LRCH4: variants seen among roughly 807,000 people sequenced by gnomAD.
The protein encoded by LRCH4 is leucine rich repeats and calponin homology domain containing 4.
Under a neutral mutation model 81.2 loss-of-function variants are expected in LRCH4, and 56 were observed. That is an observed-to-expected ratio of 0.69 (90% CI 0.56 to 0.86). The LOEUF (loss-of-function observed/expected upper bound fraction) is 0.86. Ranked by LOEUF, LRCH4 falls within the 40% of genes least tolerant of loss-of-function variation. The pLI, the probability that LRCH4 is intolerant of heterozygous loss-of-function variation, is 0.00. For synonymous variants in LRCH4, 442 were observed against 409.7 expected (o/e 1.08, Z -0.95); for missense variants, 895 against 922.8 (o/e 0.97, Z 0.39).
Position 100,575,597 on chromosome 7 carries a change from T to C in LRCH4, c.1854+108A>G, listed in dbSNP as rs1437906269. ...TGCTGGGCAGGGCAGGGGCAGCCTG[T>C]GCCTTCATCTGAGAGCAGACATCCG... On this transcript the variant is annotated intron_variant, in intron 17 of 17. Transcript: ENST00000310300. The surrounding 1 kb of genome is among the most constrained non-coding windows in gnomAD (Gnocchi z 5.3). 7.4e-7 allele frequency: 1 copy of C among 1,346,698 alleles called. No individual in the cohort carries two copies. 83.4% of individuals were successfully genotyped at this position (1,346,698 alleles called of 1,614,324 possible). A position where few individuals can be genotyped will look rare whatever the true frequency, so the allele number is the denominator to read the frequency against.
chr7:100,576,773 T>C lies in LRCH4; in HGVS notation c.1473A>G (p.Thr491=). 1 of 1,591,354 alleles carries C rather than the reference T, an allele frequency of 6.3e-7. No individual in the cohort carries two copies. Among genetic ancestry groups the C allele is most frequent in the Non-Finnish European group, 8.6e-7 (1 of 1,168,568 alleles). Residue 491 remains threonine (T), a synonymous_variant, in exon 14 of 18, where the codon ACA becomes ACG. Coordinates refer to ENST00000310300, the MANE Select transcript of LRCH4 (RefSeq NM_002319.5). ...QEPLPIAGPA[T]APAPRPLGSI... ...AGCCAAGTGGCCGTGGAGCAGGTGC[T>C]GTCGCTGGGGCCGGAACCAGGGACA...
At position 100,577,438 on chromosome 7, in the gene LRCH4, G is replaced by T. The variant is rs781357892; in HGVS notation, c.1179-49C>A. On this transcript the variant is annotated intron_variant, in intron 10 of 17. Coordinates refer to ENST00000310300, the MANE Select transcript of LRCH4 (RefSeq NM_002319.5). The surrounding 1 kb of genome is among the most constrained non-coding windows in gnomAD (Gnocchi z 6.7). ...AGGGGCAGACCCCGGGGTCAGGGAA[G>T]GAGGCGGTTGGGGGGTGGGAGGATC... is the stretch of plus-strand genomic sequence containing the variant. The T allele has an allele frequency of 1.2e-6, 2 of 1,601,474 alleles. No homozygotes were observed. Among genetic ancestry groups the T allele is most frequent in the Admixed American group, 3.3e-5 (2 of 60,030 alleles).
At chr7:100,576,623 G>A (rs1801368134) in intron 14 of LRCH4, 71 bp downstream of exon 14, 1 of 1,348,390 alleles carries the variant, frequency 7.4e-7, no homozygotes, top group Admixed American at 2.0e-5. Flanking sequence ...AGGGCTCCCA[G>A]GGCAGAAGGG....
rs747895755 is a variant in LRCH4, at chr7:100,577,439, G to T, written c.1179-50C>A. On this transcript the variant is annotated intron_variant, in intron 10 of 17. Transcript: ENST00000310300. The surrounding 1 kb of genome is among the most constrained non-coding windows in gnomAD (Gnocchi z 6.7). Reference sequence around the variant, plus strand: ...GGGGCAGACCCCGGGGTCAGGGAAGGAGGCGGTTGGGGGGTGGGAGGATCG... The same window carrying T: ...GGGGCAGACCCCGGGGTCAGGGAAGTAGGCGGTTGGGGGGTGGGAGGATCG... 3 of 1,601,442 alleles carry T rather than the reference G, an allele frequency of 1.9e-6. No individual in the cohort carries two copies. Among genetic ancestry groups the T allele is most frequent in the Non-Finnish European group, 2.5e-6 (3 of 1,179,762 alleles).
chr7:100,581,717 G>T, intron 4 of LRCH4, 60 bp downstream of exon 4: 1 of 1,485,108 alleles, frequency 6.7e-7, no homozygotes, highest in Non-Finnish European at 9.4e-7. Flanking sequence ...CGTTACCGCA[G>T]CCTGAGCCAA....
chr7:100,576,957 C>G lies in LRCH4; in HGVS notation c.1413G>C (p.Gln471His). Residue 471 changes from glutamine to histidine, a missense_variant, in exon 13 of 18, where the codon CAG (glutamine) becomes CAC (histidine). Physicochemically the swap from Gln to His is conservative, Grantham distance 24 (BLOSUM62 0). Transcript: ENST00000310300. ...AGGCAGGGGCAGGGGCGGGGGCTCC[C>G]TGCCCCGCTGCAGCCCCTGCTTGGG... ...SASQAGAAAG[Q>H]GAPAPAPASQ... is the part of the protein sequence containing the mutation. 12 of 1,586,664 alleles carry G rather than the reference C, an allele frequency of 7.6e-6. No homozygotes were observed. The highest frequency in any genetic ancestry group is 1.0e-5 in the Non-Finnish European group (12 of 1,164,476).
At chr7:100,581,628 C>G (rs762455767) in intron 4 of LRCH4, 149 bp downstream of exon 4, 2 of 665,220 alleles carry the variant, frequency 3.0e-6, no homozygotes, top group East Asian at 5.7e-5. Flanking sequence ...ATGGAAGCAC[C>G]CAGATCCTGA....
chr7:100,576,632 G>T, intron 14 of LRCH4, 62 bp downstream of exon 14: 2 of 1,395,228 alleles, frequency 1.4e-6, no homozygotes, highest in Non-Finnish European at 2.0e-6. Flanking sequence ...AGGGCAGAAG[G>T]GTGATGTAGC....
chr7:100,575,320 G>A lies in LRCH4; in HGVS notation c.1855-16C>T. Reference sequence around the variant, plus strand: ...ACAGGTCAGCCTGGGGGAGAGGAGAGCAGGTGGACAAGGACAAGGGACAGA... The same window carrying A: ...ACAGGTCAGCCTGGGGGAGAGGAGAACAGGTGGACAAGGACAAGGGACAGA... On this transcript the variant is annotated splice_polypyrimidine_tract_variant and intron_variant, in intron 17 of 17. Transcript: ENST00000310300. The surrounding 1 kb of genome is among the most constrained non-coding windows in gnomAD (Gnocchi z 5.3). 1 of 1,528,270 alleles carries A rather than the reference G, an allele frequency of 6.5e-7. No homozygotes were observed. Among genetic ancestry groups the A allele is most frequent in the Non-Finnish European group, 8.8e-7 (1 of 1,132,700 alleles). 94.7% of individuals were successfully genotyped at this position (1,528,270 alleles called of 1,614,324 possible). A position where few individuals can be genotyped will look rare whatever the true frequency, so the allele number is the denominator to read the frequency against.
rs1269766712 is a variant in LRCH4, at chr7:100,574,786, GGGAGGGCACA to G, written c.*311_*320del. The G allele has an allele frequency of 6.6e-6, 2 of 304,772 alleles. No homozygotes were observed. The highest frequency in any genetic ancestry group is 1.2e-5 in the Non-Finnish European group (2 of 162,728). 18.9% of individuals were successfully genotyped at this position (304,772 alleles called of 1,614,324 possible). A position where few individuals can be genotyped will look rare whatever the true frequency, so the allele number is the denominator to read the frequency against. ...CCATAGCAGCTGTTGGGGGGGGAAGGGGAGGGCACAGGAGGAAGGGGGAGACTCCAGCTCC... is the reference window on the plus strand; with the variant it reads ...CCATAGCAGCTGTTGGGGGGGGAAGGGGAGGAAGGGGGAGACTCCAGCTCC... On this transcript the variant is annotated 3_prime_UTR_variant, in exon 18 of 18. Transcript: ENST00000310300.
chr7:100,585,278 G>A (rs560686298), intron 1 of LRCH4: 69 of 163,616 alleles, frequency 4.2e-4, no homozygotes, highest in South Asian at 2.0e-3. Context: ...GGGATAATAG[G>A]CGGAAGAGCT....
Position 100,577,087 on chromosome 7 carries a change from T to C in LRCH4, c.1363A>G (p.Asn455Asp). 6.2e-7 allele frequency: 1 copy of C among 1,614,094 alleles called. No individual in the cohort carries two copies. Residue 455 changes from asparagine (N) to aspartate (D), a missense_variant and splice_region_variant, in exon 12 of 18, where the codon AAC becomes GAC. Asn to Asp is a conservative substitution (Grantham distance 23, BLOSUM62 1). Transcript: ENST00000310300. This position sits in a 1 kb window ranked among gnomAD's most constrained non-coding sequence, Gnocchi z 6.7. ...AAAVSTQAMH[N>D]GSPKSSASQA... ...AGGGGATGCTGGCAGGAAACCTACTTGTGCATGGCTTGAGTGGACACGGCG... is the reference window on the plus strand; with the variant it reads ...AGGGGATGCTGGCAGGAAACCTACTCGTGCATGGCTTGAGTGGACACGGCG...
At position 100,574,828 on chromosome 7, in the gene LRCH4, C is replaced by A; in HGVS notation, c.*279G>T. ...AGGGGGAGACTCCAGCTCCTGCCAC[C>A]CCTCACGGGGTACAGAGGGCAGGGG... On this transcript the variant is annotated 3_prime_UTR_variant, in exon 18 of 18. Transcript: ENST00000310300. 1 of 369,872 alleles carries A rather than the reference C, an allele frequency of 2.7e-6. No individual in the cohort carries two copies. The allele number at this position is 369,872 out of a possible 1,614,324, so 22.9% of individuals were successfully genotyped here. A position where few individuals can be genotyped will look rare whatever the true frequency, so the allele number is the denominator to read the frequency against.
At position 100,575,958 on chromosome 7, in the gene LRCH4, A is replaced by G; in HGVS notation, c.1689T>C (p.Ala563=). The G allele has an allele frequency of 6.2e-7, 1 of 1,609,520 alleles. No homozygotes were observed. Among genetic ancestry groups the G allele is most frequent in the Non-Finnish European group, 8.5e-7 (1 of 1,178,902 alleles). The change falls in exon 16 of 18, where the codon GCT becomes GCC. Residue 563 remains alanine, a synonymous_variant. Transcript: ENST00000310300. The surrounding 1 kb of genome is among the most constrained non-coding windows in gnomAD (Gnocchi z 5.3). The stretch of plus-strand genomic sequence containing the variant: ...GGCACAGGATGACCCCACTGGCCAG[A>G]GCCTCGGCCAGGTCCTCAGGCAGGG... ...QRPLPEDLAE[A]LASGVILCQL... is the part of the protein sequence containing the mutation.
rs770539907 is a variant in LRCH4, at chr7:100,575,239, C to A, written c.1920G>T (p.Glu640Asp). ...GTARGLRTAL[E>D]AVKRVGGKAL... is the part of the protein sequence containing the mutation. ...CCTTGCCCCCCACCCGCTTCACGGC[C>A]TCCAGCGCGGTCCGCAGCCCCCGGG... is the stretch of plus-strand genomic sequence containing the variant. Residue 640 changes from glutamate (E) to aspartate (D), a missense_variant, in exon 18 of 18, where the codon GAG (glutamate) becomes GAT (aspartate). This residue lies in a region of LRCH4 where 529 missense variants were observed against 504.9 expected (regional missense o/e 1.05). Transcript: ENST00000310300. This position sits in a 1 kb window ranked among gnomAD's most constrained non-coding sequence, Gnocchi z 5.3. 3.8e-6 allele frequency: 6 copies of A among 1,599,064 alleles called. No individual in the cohort carries two copies. Among genetic ancestry groups the A allele is most frequent in the Non-Finnish European group, 5.1e-6 (6 of 1,172,426 alleles).
In LRCH4 at chr7:100,581,811, A is replaced by G. The variant is rs762558318; in HGVS notation, c.564T>C (p.Asn188=). The change falls in exon 4 of 18, where the codon AAT becomes AAC. Residue 188 remains asparagine, a synonymous_variant. Transcript: ENST00000310300. ...LCGLSSLRDL[N]VRRNQLSTLP... Reference sequence around the variant, plus strand: ...GCGTACTGAGCTGGTTCCTCCGGACATTGAGGTCCCGCAGGGAAGAGAGGC... The same window carrying G: ...GCGTACTGAGCTGGTTCCTCCGGACGTTGAGGTCCCGCAGGGAAGAGAGGC... The G allele has an allele frequency of 4.3e-6, 7 of 1,614,006 alleles. No individual in the cohort carries two copies. The highest frequency in any genetic ancestry group is 1.1e-5 in the South Asian group (1 of 91,086).
intron 4 of LRCH4, 197 bp downstream of exon 4, chr7:100,581,580 G>C (rs1274473181): frequency 1.8e-6 from 1 of 556,052 alleles, no homozygotes; most frequent in Non-Finnish European, 3.2e-6. Context: ...GGAGCCGGCA[G>C]TCTGCAGCCA....
At chr7:100,584,768 C>A (rs1224910461) in intron 1 of LRCH4, 3 of 456,520 alleles carry the variant, frequency 6.6e-6, no homozygotes, top group Non-Finnish European at 1.3e-5. Flanking sequence ...GTGCCAGTGC[C>A]GGCCTGAGTG....
At position 100,582,858 on chromosome 7, in the gene LRCH4, G is replaced by A. The variant is rs1584410525; in HGVS notation, c.221-399C>T. ...AAACAGTAAGGCGAGGGGCTGGGGG[G>A]CTCCCGGAGGGAAGATGGGAAACCC... On this transcript the variant is annotated intron_variant, in intron 1 of 17. Coordinates refer to ENST00000310300, the MANE Select transcript of LRCH4 (RefSeq NM_002319.5). This position sits in a 1 kb window ranked among gnomAD's most constrained non-coding sequence, Gnocchi z 5.0. Among the ~76,000 whole-genome samples the A allele has an allele frequency of 6.6e-6, 1 of 152,116 alleles. No homozygotes were observed. The highest frequency in any genetic ancestry group is 2.4e-5 in the African/African-American group (1 of 41,418).
Sources: gnomAD v4.1 joint callset for allele counts (sites outside exome capture counted in the v4.1 genomes callset) on GRCh38, gnomAD v4.1.1 for gene constraint, gnomAD v4.1.1 regional missense constraint, Gnocchi (gnomAD v3.1) non-coding constraint, MANE v1.5 for transcripts, NCBI Gene and HGNC (gene_info 2026-07-23, HGNC 2026-07-21) for gene names.